BRD4: variants seen among roughly 807,000 people sequenced by gnomAD.
BRD4 encodes bromodomain containing 4.
A neutral mutation model predicts 142.1 loss-of-function variants in BRD4; 16 were observed. That is an observed-to-expected ratio of 0.11 (90% CI 0.08 to 0.17). The LOEUF (loss-of-function observed/expected upper bound fraction) is 0.17, where lower values mean the gene tolerates loss of function less well. BRD4 is among the 10% of genes least tolerant of loss of function. The probability of loss-of-function intolerance (pLI) is 1.00; values close to 1 mark genes in which losing one functional copy is unlikely to be tolerated. For missense variants in BRD4, 1,424 were observed against 1,810.9 expected, an observed-to-expected ratio of 0.79 and a Z score of 3.88; for synonymous variants, 833 against 707.5, an observed-to-expected ratio of 1.18 and a Z score of -2.82.
chr19:15,248,021 G>A (rs889607091), intron 11 of BRD4: 3 of 219,838 alleles, frequency 1.4e-5, no homozygotes, highest in Non-Finnish European at 2.7e-5. Context: ...CTTGCCCATG[G>A]TGATAGCCCA....
chr19:15,239,459 G>A lies in BRD4; in HGVS notation c.3509C>T (p.Pro1170Leu), dbSNP rs760622695. The A allele has an allele frequency of 8.7e-6, 14 of 1,614,016 alleles. No individual in the cohort carries two copies. The East Asian group carries it at 1.6e-4, about 18-fold the overall frequency. Residue 1170 changes from proline to leucine, a missense_variant, in exon 17 of 20, where the codon CCG becomes CTG. Transcript: ENST00000679869. This position sits in a 1 kb window ranked among gnomAD's most constrained non-coding sequence, Gnocchi z 7.4. ...GTCCTTGTCAGGGGCCCCTGGTGGC[G>A]GTGCGTTCTGCTCTGGGGGCCGGAT... is the stretch of plus-strand genomic sequence containing the variant. ...PVIRPPEQNA[P>L]PPGAPDKDKQ...
intron 1 of BRD4, among the ~76,000 whole-genome samples, chr19:15,298,005 T>A (rs1372039208): frequency 1.3e-5 from 2 of 152,202 alleles, no homozygotes; most frequent in Admixed American, 1.3e-4. Context: ...GAATCTGCAG[T>A]TGGGAGAGCC....
intron 6 of BRD4, 69 bp from the exon 7 acceptor site, chr19:15,263,617 G>C: frequency 6.3e-7 from 1 of 1,591,130 alleles, no homozygotes; most frequent in South Asian, 1.1e-5. Flanking sequence ...GCTGGCAGCA[G>C]ACGAAAGGGA....
chr19:15,270,906 G>A (rs962679751), intron 2 of BRD4, among the ~76,000 whole-genome samples: 4 of 152,088 alleles, frequency 2.6e-5, no homozygotes, highest in Non-Finnish European at 4.4e-5. Context: ...GAAGACATCA[G>A]ATCAGGGCCA....
chr19:15,249,091 G>A (rs941126472), intron 11 of BRD4: 116 of 911,622 alleles, frequency 1.3e-4, no homozygotes, highest in Non-Finnish European at 1.2e-4. Context: ...CAGCCTTCCC[G>A]AAGGCGGGAC....
intron 7 of BRD4, among the ~76,000 whole-genome samples, chr19:15,261,451 C>A (rs1240378603): frequency 6.6e-6 from 1 of 151,646 alleles, no homozygotes; most frequent in Admixed American, 6.6e-5. Flanking sequence ...CACTGCACTC[C>A]AGCCTGGGCG....
chr19:15,296,870 G>A (rs1245584125), intron 1 of BRD4, among the ~76,000 whole-genome samples: 3 of 152,190 alleles, frequency 2.0e-5, no homozygotes, highest in African/African-American at 7.2e-5. Context: ...TGGTTCTCTA[G>A]GCATATAACC....
chr19:15,275,173 CT>C, intron 1 of BRD4, among the ~76,000 whole-genome samples: 1 of 152,258 alleles, frequency 6.6e-6, no homozygotes, highest in South Asian at 2.1e-4. Context: ...GCTGAATTTT[CT>C]GTTCACAAGA....
chr19:15,331,823 G>T (rs1261021121), intron 1 of BRD4: 1 of 148,434 alleles, frequency 6.7e-6, no homozygotes, highest in African/African-American at 2.5e-5. Context: ...CCCCGCGCCA[G>T]GCCGGGACTT....
chr19:15,273,321 C>T lies in BRD4; in HGVS notation c.-34-188G>A, dbSNP rs1357427937. On this transcript the variant is annotated intron_variant, in intron 1 of 19. Coordinates refer to ENST00000679869, the MANE Select transcript of BRD4 (RefSeq NM_001379291.1). ...AATGTCTCCTCTCCCCAAAGACTTA[C>T]CCTCCAGCAGGGAGGAGACCACAAA... is the stretch of plus-strand genomic sequence containing the variant. Among the ~76,000 whole-genome samples, 3 of 152,296 alleles carry T rather than the reference C, an allele frequency of 2.0e-5. No homozygotes were observed. The East Asian group carries it at 5.8e-4, about 29-fold the overall frequency.
chr19:15,313,188 G>A (rs547796059), intron 1 of BRD4, among the ~76,000 whole-genome samples: 2 of 150,636 alleles, frequency 1.3e-5, no homozygotes, highest in Admixed American at 6.6e-5. Context: ...TGGCTAACAC[G>A]GTGAAACCCC....
intron 1 of BRD4, among the ~76,000 whole-genome samples, chr19:15,298,230 T>C (rs567057023): frequency 4.6e-5 from 7 of 152,362 alleles, no homozygotes; most frequent in African/African-American, 1.4e-4. Context: ...TAAGCACTGA[T>C]GGAATATTTG....
chr19:15,275,679 A>G (rs1382599908), intron 1 of BRD4: 2 of 152,168 alleles, frequency 1.3e-5, no homozygotes, highest in Non-Finnish European at 2.9e-5. Flanking sequence ...AGTACCCCAA[A>G]GTTTCTTTAA....
At position 15,238,112 on chromosome 19, in the gene BRD4, G is replaced by T; in HGVS notation, c.*265C>A. 2.0e-6 allele frequency: 1 copy of T among 505,744 alleles called. No homozygotes were observed. Among genetic ancestry groups the T allele is most frequent in the Non-Finnish European group, 3.5e-6 (1 of 282,378 alleles). 31.3% of individuals were successfully genotyped at this position (505,744 alleles called of 1,614,324 possible). On this transcript the variant is annotated 3_prime_UTR_variant, in exon 20 of 20. Coordinates refer to ENST00000679869, the MANE Select transcript of BRD4 (RefSeq NM_001379291.1). This position sits in a 1 kb window ranked among gnomAD's most constrained non-coding sequence, Gnocchi z 7.2. Reference sequence around the variant, plus strand: ...TGTGGGGATGCAGGGCTTGGGTCCAGCCGGCACTTGCTCGTAACAAGGCGT... The same window carrying T: ...TGTGGGGATGCAGGGCTTGGGTCCATCCGGCACTTGCTCGTAACAAGGCGT...
chr19:15,288,589 G>A (rs1445694690), intron 1 of BRD4, among the ~76,000 whole-genome samples: 1 of 152,206 alleles, frequency 6.6e-6, no homozygotes, highest in African/African-American at 2.4e-5. Flanking sequence ...TCCTGCTGGT[G>A]TGCAGAGCAC....
At chr19:15,259,943 C>T (rs1158413829) in intron 7 of BRD4, among the ~76,000 whole-genome samples, 6 of 152,350 alleles carry the variant, frequency 3.9e-5, no homozygotes, top group African/African-American at 1.4e-4. Flanking sequence ...TGCACCGAGG[C>T]AAGCCTCTCA....
intron 1 of BRD4, among the ~76,000 whole-genome samples, chr19:15,312,278 G>A (rs1406021186): frequency 6.6e-6 from 1 of 152,150 alleles, no homozygotes; most frequent in Non-Finnish European, 1.5e-5. Context: ...CAGGCACATT[G>A]CTTGAACTCA....
chr19:15,307,896 C>T (rs768628348), intron 1 of BRD4, among the ~76,000 whole-genome samples: 2 of 151,816 alleles, frequency 1.3e-5, no homozygotes, highest in Admixed American at 1.3e-4. Flanking sequence ...GGGCGGATCG[C>T]TTGAGGCCGG....
At chr19:15,285,163 G>A (rs976229265) in intron 1 of BRD4, among the ~76,000 whole-genome samples, 2 of 152,186 alleles carry the variant, frequency 1.3e-5, no homozygotes, top group East Asian at 1.9e-4. Context: ...CCCTGCAGAT[G>A]TGGCCAGCTT....
Sources: allele counts gnomAD v4.1 joint callset (sites outside exome capture counted in the v4.1 genomes callset), GRCh38; gene constraint gnomAD v4.1.1; non-coding constraint Gnocchi (gnomAD v3.1); transcripts MANE v1.5; gene names NCBI Gene and HGNC (gene_info 2026-07-23, HGNC 2026-07-21).